Variants in ABR observed in about 807,000 individuals in gnomAD.
The protein encoded by ABR is active breakpoint cluster region-related protein.
In ABR, 35 loss-of-function variants were observed where a neutral mutation model predicts 107.2. That is an observed-to-expected ratio of 0.33 (90% CI 0.25 to 0.43). The LOEUF (loss-of-function observed/expected upper bound fraction) is 0.43, where lower values mean the gene tolerates loss of function less well. Ranked by LOEUF, ABR falls within the 20% of genes least tolerant of loss-of-function variation. The probability of loss-of-function intolerance (pLI) is 1.00; values close to 1 mark genes in which losing one functional copy is unlikely to be tolerated. For missense variants in ABR, 815 were observed against 1,115.2 expected (o/e 0.73, Z 3.83); for synonymous variants, 498 against 462.0 (o/e 1.08, Z -1.00).
chr17:1,192,274 G>A (rs1448897381), upstream of ABR, among the ~76,000 whole-genome samples: 1 of 152,132 alleles, frequency 6.6e-6, no homozygotes, highest in Non-Finnish European at 1.5e-5. Context: ...ACGGCGCCCT[G>A]CAGAAAAGTT....
intron 1 of ABR, among the ~76,000 whole-genome samples, chr17:1,165,117 G>T (rs1331007286): frequency 6.6e-6 from 1 of 152,198 alleles, no homozygotes; most frequent in African/African-American, 2.4e-5. Context: ...CTTGCTGGAG[G>T]TCATAGGCTA....
chr17:1,114,536 G>A (rs1349941107), intron 2 of ABR, among the ~76,000 whole-genome samples: 1 of 151,928 alleles, frequency 6.6e-6, no homozygotes, highest in Admixed American at 6.6e-5. Context: ...ACTTTGGGAG[G>A]CTGAGGCAGG....
intron 1 of ABR, among the ~76,000 whole-genome samples, chr17:1,171,313 C>T (rs888142259): frequency 1.3e-5 from 2 of 152,212 alleles, no homozygotes. Context: ...AGAACACTCA[C>T]AGAAGCAGCC....
chr17:1,046,686 C>A (rs555758722), intron 16 of ABR, among the ~76,000 whole-genome samples: 3 of 152,202 alleles, frequency 2.0e-5, no homozygotes, highest in Non-Finnish European at 4.4e-5. Flanking sequence ...GCCCTCTGTC[C>A]GGGCTGGGGG....
chr17:1,081,643 C>T (rs1342249459), intron 5 of ABR, among the ~76,000 whole-genome samples: 1 of 152,142 alleles, frequency 6.6e-6, no homozygotes, highest in Non-Finnish European at 1.5e-5. Context: ...GTGGCGTGAT[C>T]GCAGCTCACT....
chr17:1,105,430 C>G (rs1379386989), intron 2 of ABR, among the ~76,000 whole-genome samples: 1 of 147,636 alleles, frequency 6.8e-6, no homozygotes, highest in Admixed American at 6.8e-5. Flanking sequence ...AAATATAGAT[C>G]GAGGTGCCAC....
At chr17:1,098,108 T>C (rs2037600080) in intron 3 of ABR, among the ~76,000 whole-genome samples, 2 of 150,930 alleles carry the variant, frequency 1.3e-5, no homozygotes, top group South Asian at 4.2e-4. Flanking sequence ...AGTCTCACTG[T>C]GTCGCCCAGG....
chr17:1,129,221 C>G (rs1020805306), intron 1 of ABR, among the ~76,000 whole-genome samples: 1 of 152,150 alleles, frequency 6.6e-6, no homozygotes. Context: ...AGGACAAATA[C>G]CTAATGCACG....
At position 1,050,392 on chromosome 17, in the gene ABR, C is replaced by T. The variant is rs553276217; in HGVS notation, c.1659+145G>A. The T allele has an allele frequency of 3.3e-5, 32 of 960,164 alleles. No homozygotes were observed. In the Admixed American group the frequency reaches 4.5e-4, roughly 13 times the overall value. The allele number at this position is 960,164 out of a possible 1,614,324, so 59.5% of individuals were successfully genotyped here. On this transcript the variant is annotated intron_variant, in intron 15 of 22. Coordinates refer to ENST00000302538, the MANE Select transcript of ABR (RefSeq NM_021962.5). The surrounding 1 kb of genome is among the most constrained non-coding windows in gnomAD (Gnocchi z 4.6). ...ACAGGGTCTGACACCCAGACACACA[C>T]CGCGATCAGAAGCCAGAGGAGCAGG...
intron 1 of ABR, among the ~76,000 whole-genome samples, chr17:1,170,250 C>T (rs1201270121): frequency 1.3e-5 from 2 of 152,052 alleles, no homozygotes; most frequent in African/African-American, 4.8e-5. Context: ...AACTGTCTTT[C>T]TAGCTAGAGA....
At chr17:1,130,021 C>T (rs141286369) in intron 1 of ABR, among the ~76,000 whole-genome samples, 199 of 152,308 alleles carry the variant, frequency 1.3e-3, no homozygotes, top group African/African-American at 4.5e-3. Context: ...AGATGGACAG[C>T]TGTGTGATAA....
chr17:1,139,655 T>C (rs1465356279), intron 1 of ABR, among the ~76,000 whole-genome samples: 1 of 152,070 alleles, frequency 6.6e-6, no homozygotes, highest in Non-Finnish European at 1.5e-5. Flanking sequence ...TTATGACTCA[T>C]TTACAATGGA....
intron 1 of ABR, among the ~76,000 whole-genome samples, chr17:1,136,742 C>G (rs935108652): frequency 1.3e-5 from 2 of 152,168 alleles, no homozygotes; most frequent in Non-Finnish European, 2.9e-5. Context: ...CACAGACTTG[C>G]AGAGTGCGAG....
upstream of ABR, among the ~76,000 whole-genome samples, chr17:1,182,093 C>T (rs1329120064): frequency 2.6e-5 from 4 of 152,154 alleles, no homozygotes; most frequent in Non-Finnish European, 4.4e-5. Context: ...CTCTCGGACC[C>T]TCCACTCCAC....
At chr17:1,140,705 C>T (rs1179464984) in intron 1 of ABR, among the ~76,000 whole-genome samples, 1 of 152,024 alleles carries the variant, frequency 6.6e-6, no homozygotes, top group African/African-American at 2.4e-5. Flanking sequence ...GTCTCAGCCT[C>T]CCAAGTAGCT....
chr17:1,207,250 CA>C (rs71148448), intron 1 of ABR, among the ~76,000 whole-genome samples: 137,442 of 150,120 alleles, frequency 0.92, 64,055 homozygotes, highest in East Asian at 1. Flanking sequence ...AGACGTGTCT[CA>C]AAAAAAAAAA....
chr17:1,228,933 G>A (rs1284100609), exon 1 of ABR: 1 of 151,644 alleles, frequency 6.6e-6, no homozygotes, highest in Non-Finnish European at 1.5e-5. Flanking sequence ...CTCGCGCCCG[G>A]GGGTCTCCTC....
At position 1,073,643 on chromosome 17, in the gene ABR, C is replaced by T. The variant is rs1444705637; in HGVS notation, c.735G>A (p.Arg245=). 1.9e-6 allele frequency: 3 copies of T among 1,604,162 alleles called. No homozygotes were observed. The highest frequency in any genetic ancestry group is 1.7e-6 in the Non-Finnish European group (2 of 1,174,192). ...LLYKPIDRVT[R]STLVLHDLLK... is the part of the protein sequence containing the mutation. The stretch of plus-strand genomic sequence containing the variant: ...CACTCACGTGTAGGACTAGGGTGCT[C>T]CGAGTGACCCGGTCAATGGGCTTGT... Residue 245 remains arginine (R), a synonymous_variant, in exon 7 of 23, where the codon CGG becomes CGA. Transcript: ENST00000302538.
intron 1 of ABR, among the ~76,000 whole-genome samples, chr17:1,165,357 G>A (rs539269268): frequency 3.3e-5 from 5 of 152,240 alleles, no homozygotes; most frequent in Admixed American, 6.5e-5. Context: ...ATGGCCGGGA[G>A]GAGGTGCAAG....
Sources: allele counts gnomAD v4.1 joint callset (sites outside exome capture counted in the v4.1 genomes callset), GRCh38; gene constraint gnomAD v4.1.1; non-coding constraint Gnocchi (gnomAD v3.1); transcripts MANE v1.5; gene names NCBI Gene and HGNC (gene_info 2026-07-23, HGNC 2026-07-21).